Variants in FAM117B observed in about 807,000 individuals in gnomAD.
FAM117B encodes the protein family with sequence similarity 117 member B.
In FAM117B, 22 loss-of-function variants were observed where a neutral mutation model predicts 52.8. The ratio of observed to expected loss-of-function variants is 0.42; its 90% confidence interval spans 0.30 to 0.59. FAM117B has a LOEUF of 0.59. FAM117B is among the 20% of genes least tolerant of loss of function. The pLI is 0.22. For synonymous variants in FAM117B, 309 were observed against 324.1 expected (o/e 0.95, Z 0.50); for missense variants, 678 against 802.6 (o/e 0.84, Z 1.88).
chr2:202,725,099 G>A (rs569320314), intron 3 of FAM117B, 90 bp downstream of exon 3: 39 of 910,446 alleles, frequency 4.3e-5, no homozygotes, highest in South Asian at 2.8e-4. Context: ...AGGATTTGTC[G>A]TTTTCCATTG....
chr2:202,715,027 C>T (rs1037030371), intron 2 of FAM117B, among the ~76,000 whole-genome samples: 20 of 152,198 alleles, frequency 1.3e-4, no homozygotes, highest in South Asian at 2.1e-4. Context: ...CATCATGGCC[C>T]GTTCTCAATG....
At chr2:202,753,886 G>C (rs910398505) in intron 4 of FAM117B, among the ~76,000 whole-genome samples, 4 of 152,280 alleles carry the variant, frequency 2.6e-5, no homozygotes, top group Admixed American at 2.0e-4. Flanking sequence ...ATAGATGCTG[G>C]TGAGGCTGTG....
At chr2:202,716,380 A>G (rs889255163) in intron 2 of FAM117B, among the ~76,000 whole-genome samples, 3 of 151,790 alleles carry the variant, frequency 2.0e-5, no homozygotes, top group Non-Finnish European at 2.9e-5. Context: ...TTTTCATTCA[A>G]TGTTGTTATT....
At chr2:202,732,537 G>A (rs1329019715) in intron 4 of FAM117B, among the ~76,000 whole-genome samples, 1 of 152,118 alleles carries the variant, frequency 6.6e-6, no homozygotes, top group Non-Finnish European at 1.5e-5. Context: ...ACATTATGCT[G>A]GCCAGGCACG....
chr2:202,755,938 T>G (rs534001973), intron 5 of FAM117B, among the ~76,000 whole-genome samples: 3 of 152,330 alleles, frequency 2.0e-5, no homozygotes, highest in South Asian at 2.1e-4. Flanking sequence ...TAGAAACCAT[T>G]AGGTGATATA....
At chr2:202,682,519 T>G (rs1053830711) in intron 1 of FAM117B, among the ~76,000 whole-genome samples, 1 of 152,218 alleles carries the variant, frequency 6.6e-6, no homozygotes, top group Non-Finnish European at 1.5e-5. Context: ...AATGCCGAAG[T>G]GGCTGGCTAG....
chr2:202,685,478 G>A (rs925073651), intron 1 of FAM117B, among the ~76,000 whole-genome samples: 5 of 152,098 alleles, frequency 3.3e-5, no homozygotes, highest in Admixed American at 3.3e-4. Context: ...AACTAAGGAT[G>A]TCAACTCTCA....
chr2:202,753,731 A>G (rs1206892639), intron 4 of FAM117B, among the ~76,000 whole-genome samples: 1 of 152,064 alleles, frequency 6.6e-6, no homozygotes, highest in Non-Finnish European at 1.5e-5. Context: ...AAAAGAAGAC[A>G]TTTACACGGC....
intron 4 of FAM117B, among the ~76,000 whole-genome samples, chr2:202,742,425 C>T (rs1056639936): frequency 6.6e-6 from 1 of 152,168 alleles, no homozygotes; most frequent in Non-Finnish European, 1.5e-5. Context: ...ATGGTAAAGG[C>T]ATCTCAAATC....
At chr2:202,709,764 A>G (rs1402679701) in intron 2 of FAM117B, among the ~76,000 whole-genome samples, 1 of 151,950 alleles carries the variant, frequency 6.6e-6, no homozygotes. Context: ...TATTTCTAGG[A>G]GTTTTATAGT....
intron 1 of FAM117B, among the ~76,000 whole-genome samples, chr2:202,679,865 AAACT>A (rs1453737964): frequency 6.6e-6 from 1 of 152,222 alleles, no homozygotes; most frequent in East Asian, 1.9e-4. Flanking sequence ...TATAATGAGA[AAACT>A]AAAGCAGTGG....
intron 4 of FAM117B, among the ~76,000 whole-genome samples, chr2:202,735,093 TGTGA>T (rs556229252): frequency 5.9e-5 from 9 of 152,326 alleles, no homozygotes; most frequent in Admixed American, 3.3e-4. Flanking sequence ...CATGGAACAT[TGTGA>T]GTATTACAAA....
At position 202,726,335 on chromosome 2, in the gene FAM117B, G is replaced by T; in HGVS notation, c.932G>T (p.Gly311Val). ...RDKERQSPFH[G>V]NHAAINQCQA... Reference sequence around the variant, plus strand: ...AAAGAAAGACAGTCTCCATTTCATGGCAACCATGCAGCTATTAACCAGTGT... The same window carrying T: ...AAAGAAAGACAGTCTCCATTTCATGTCAACCATGCAGCTATTAACCAGTGT... The change falls in exon 4 of 8, where the codon GGC becomes GTC. Residue 311 changes from glycine to valine, a missense_variant. By Grantham distance (109) the Gly-to-Val change is moderately radical (BLOSUM62 -3). Coordinates refer to ENST00000392238, the MANE Select transcript of FAM117B (RefSeq NM_173511.4). 1 of 1,613,242 alleles carries T rather than the reference G, an allele frequency of 6.2e-7. No individual in the cohort carries two copies. Among genetic ancestry groups the T allele is most frequent in the South Asian group, 1.1e-5 (1 of 90,984 alleles).
intron 1 of FAM117B, among the ~76,000 whole-genome samples, chr2:202,672,592 C>T (rs1424138659): frequency 6.6e-6 from 1 of 152,142 alleles, no homozygotes; most frequent in Admixed American, 6.5e-5. Context: ...TAGTTTTTCA[C>T]AAAATTGAAA....
chr2:202,717,476 A>G (rs1457297868), intron 2 of FAM117B, among the ~76,000 whole-genome samples: 1 of 152,148 alleles, frequency 6.6e-6, no homozygotes, highest in Non-Finnish European at 1.5e-5. Context: ...TCTCAAAAAA[A>G]CAAATCATAG....
At chr2:202,640,330 A>ATATAT (rs1689752132) in intron 1 of FAM117B, among the ~76,000 whole-genome samples, 2 of 104,590 alleles carry the variant, frequency 1.9e-5, no homozygotes, top group Non-Finnish European at 4.0e-5. Context: ...ATATATATAT[A>ATATAT]TATATATATA....
intron 2 of FAM117B, among the ~76,000 whole-genome samples, chr2:202,697,281 T>C (rs1690724916): frequency 1.3e-5 from 2 of 152,314 alleles, no homozygotes; most frequent in Non-Finnish European, 2.9e-5. Flanking sequence ...CCCATGAAGA[T>C]AGGAATTGTG....
At chr2:202,648,965 G>T (rs1171501072) in intron 1 of FAM117B, among the ~76,000 whole-genome samples, 1 of 151,772 alleles carries the variant, frequency 6.6e-6, no homozygotes, top group Non-Finnish European at 1.5e-5. Context: ...TGTTGACCAG[G>T]CTGGTCTCGA....
At chr2:202,738,330 C>G (rs1035561063) in intron 4 of FAM117B, among the ~76,000 whole-genome samples, 2 of 152,142 alleles carry the variant, frequency 1.3e-5, no homozygotes, top group African/African-American at 4.8e-5. Context: ...AAAGAAACAA[C>G]TTTCAGTCTT....
Sources: gnomAD v4.1 joint callset for allele counts (sites outside exome capture counted in the v4.1 genomes callset) on GRCh38, gnomAD v4.1.1 for gene constraint, MANE v1.5 for transcripts, NCBI Gene and HGNC (gene_info 2026-07-23, HGNC 2026-07-21) for gene names.